FRYL: variants seen among roughly 807,000 people sequenced by gnomAD.
FRYL encodes FRY like transcription coactivator.
In FRYL, 150 loss-of-function variants were observed where a neutral mutation model predicts 351.2. The observed-to-expected ratio is 0.43, with a 90% CI of 0.37 to 0.49. The LOEUF is 0.49. FRYL is among the 20% of genes least tolerant of loss of function. FRYL has a pLI of 0.00. For missense variants in FRYL, 3,036 were observed against 3,619.3 expected (o/e 0.84, Z 4.13); for synonymous variants, 1,153 against 1,257.1 (o/e 0.92, Z 1.75).
chr4:48,557,401 C>T, intron 34 of FRYL, 52 bp downstream of exon 34: 1 of 1,600,130 alleles, frequency 6.2e-7, no homozygotes, highest in Non-Finnish European at 8.6e-7. Flanking sequence ...CTAACCACAT[C>T]TACTCACTCA....
chr4:48,742,071 C>T (rs574953115), intron 1 of FRYL, among the ~76,000 whole-genome samples: 3 of 152,208 alleles, frequency 2.0e-5, no homozygotes, highest in Non-Finnish European at 2.9e-5. Flanking sequence ...AATGTACCCC[C>T]CTGGAGGGGT....
At position 48,602,086 on chromosome 4, in the gene FRYL, G is replaced by T; in HGVS notation, c.969C>A (p.Val323=). ...TATTTAAAAAAAATTGTTTCTGACTGACACATAAAAGGCAGGTAATTAGTG... is the reference window on the plus strand; with the variant it reads ...TATTTAAAAAAAATTGTTTCTGACTTACACATAAAAGGCAGGTAATTAGTG... ...LYPLITCLLC[V]SQKQFFLNNW... is the part of the protein sequence containing the mutation. The change falls in exon 13 of 64, where the codon GTC becomes GTA. Residue 323 remains valine, a synonymous_variant. Transcript: ENST00000358350. The T allele has an allele frequency of 6.2e-7, 1 of 1,601,058 alleles. No individual in the cohort carries two copies. Among genetic ancestry groups the T allele is most frequent in the South Asian group, 1.1e-5 (1 of 90,708 alleles).
intron 3 of FRYL, among the ~76,000 whole-genome samples, chr4:48,644,957 C>T (rs1458361720): frequency 6.6e-6 from 1 of 150,848 alleles, no homozygotes; most frequent in African/African-American, 2.4e-5. Context: ...ATTCAAAGAG[C>T]TCTTACAAAA....
rs1295755709 is a variant in FRYL, at chr4:48,515,096, A to G, written c.7869T>C (p.Val2623=). ...CATCTAGCTCTTTCAGAGCTAAGGTAACATCCTCTTCACAGACTGACTCGG... is the reference window on the plus strand; with the variant it reads ...CATCTAGCTCTTTCAGAGCTAAGGTGACATCCTCTTCACAGACTGACTCGG... ...SYPESVCEED[V]TLALKELDER... is the part of the protein sequence containing the mutation. The change falls in exon 56 of 64, where the codon GTT becomes GTC. Residue 2623 remains valine (V), a synonymous_variant. Coordinates refer to ENST00000358350, the MANE Select transcript of FRYL (RefSeq NM_015030.2). 1 of 1,613,736 alleles carries G rather than the reference A, an allele frequency of 6.2e-7. No homozygotes were observed. Among genetic ancestry groups the G allele is most frequent in the Non-Finnish European group, 8.5e-7 (1 of 1,179,778 alleles).
intron 8 of FRYL, 56 bp from the exon 9 acceptor site, chr4:48,609,123 T>G: frequency 3.6e-6 from 4 of 1,105,534 alleles, no homozygotes; most frequent in Non-Finnish European, 5.5e-6. Context: ...ACAAACTCTC[T>G]TTCCTAATAC....
rs745956515 is a variant in FRYL at position 48,562,948 on chromosome 4, G to T, written c.3637C>A (p.Leu1213Met). 1 of 1,609,302 alleles carries T rather than the reference G, an allele frequency of 6.2e-7. No individual in the cohort carries two copies. Among genetic ancestry groups the T allele is most frequent in the African/African-American group, 1.3e-5 (1 of 74,868 alleles). ...CDTVMLLNLI[L>M]FKAADSSRSI... ...CTAGAAGAATCAGCTGCTTTAAACAGTATCAGATTTAGAAGCATCACTGTG... is the reference window on the plus strand; with the variant it reads ...CTAGAAGAATCAGCTGCTTTAAACATTATCAGATTTAGAAGCATCACTGTG... Residue 1213 changes from leucine (L) to methionine (M), a missense_variant, in exon 32 of 64, where the codon CTG (leucine) becomes ATG (methionine). Coordinates refer to ENST00000358350, the MANE Select transcript of FRYL (RefSeq NM_015030.2).
intron 1 of FRYL, among the ~76,000 whole-genome samples, chr4:48,738,249 T>C (rs182972780): frequency 6.6e-6 from 1 of 152,326 alleles, no homozygotes; most frequent in Admixed American, 6.5e-5. Flanking sequence ...TAAACAATTA[T>C]AACAAGGTTG....
At chr4:48,576,611 C>T (rs1243183778) in intron 23 of FRYL, among the ~76,000 whole-genome samples, 1 of 152,072 alleles carries the variant, frequency 6.6e-6, no homozygotes, top group African/African-American at 2.4e-5. Context: ...TGGCCTAATG[C>T]TAATTAGAGA....
intron 4 of FRYL, among the ~76,000 whole-genome samples, chr4:48,631,096 G>A (rs1293597883): frequency 5.3e-5 from 8 of 152,172 alleles, no homozygotes; most frequent in Admixed American, 5.2e-4. Flanking sequence ...CCCAGACTTG[G>A]ACATAAATAA....
intron 11 of FRYL, 41 bp from the exon 12 acceptor site, chr4:48,603,429 G>A (rs759589777): frequency 2.4e-6 from 3 of 1,241,914 alleles, no homozygotes; most frequent in South Asian, 1.2e-5. Flanking sequence ...TGATACAGAT[G>A]TTAGATTAAA....
At chr4:48,640,618 C>T (rs1367819454) in intron 3 of FRYL, among the ~76,000 whole-genome samples, 5 of 152,138 alleles carry the variant, frequency 3.3e-5, no homozygotes, top group African/African-American at 1.2e-4. Context: ...ATGTGCAACC[C>T]AAAGAGTTAA....
intron 28 of FRYL, among the ~76,000 whole-genome samples, chr4:48,566,707 G>T (rs1387402420): frequency 6.6e-6 from 1 of 152,092 alleles, no homozygotes; most frequent in Non-Finnish European, 1.5e-5. Flanking sequence ...TATGCCAAAG[G>T]CTAGTCACAT....
At chr4:48,611,816 C>T (rs1748266291) in intron 7 of FRYL, among the ~76,000 whole-genome samples, 1 of 152,030 alleles carries the variant, frequency 6.6e-6, no homozygotes, top group African/African-American at 2.4e-5. Flanking sequence ...TGCTTGATTT[C>T]ACTAATCATA....
chr4:48,544,499 T>C (rs1200506835), intron 43 of FRYL, among the ~76,000 whole-genome samples: 1 of 152,218 alleles, frequency 6.6e-6, no homozygotes, highest in Non-Finnish European at 1.5e-5. Context: ...CCAATTTCTA[T>C]ATACGTCCGT....
At chr4:48,518,395 A>T (rs1222368083) in intron 55 of FRYL, among the ~76,000 whole-genome samples, 6 of 152,150 alleles carry the variant, frequency 3.9e-5, no homozygotes, top group Admixed American at 1.3e-4. Flanking sequence ...ATCTACCCTC[A>T]AAGCCTCTGC....
intron 4 of FRYL, among the ~76,000 whole-genome samples, chr4:48,626,440 C>T (rs143185633): frequency 8.6e-4 from 131 of 151,990 alleles, no homozygotes; most frequent in African/African-American, 2.8e-3. Context: ...CAAATTATAT[C>T]GGCTATTTGA....
intron 1 of FRYL, among the ~76,000 whole-genome samples, chr4:48,758,022 T>C (rs1773981798): frequency 6.6e-6 from 1 of 152,196 alleles, no homozygotes; most frequent in Non-Finnish European, 1.5e-5. Flanking sequence ...CTGGGAAAAC[T>C]GGCTAACCAT....
At chr4:48,690,966 T>G (rs1765627385) in intron 2 of FRYL, among the ~76,000 whole-genome samples, 1 of 152,170 alleles carries the variant, frequency 6.6e-6, no homozygotes, top group African/African-American at 2.4e-5. Context: ...CAATTTAATC[T>G]CCAAAGTTTG....
chr4:48,687,380 G>A (rs1396505528), intron 2 of FRYL, among the ~76,000 whole-genome samples: 1 of 151,688 alleles, frequency 6.6e-6, no homozygotes, highest in African/African-American at 2.4e-5. Context: ...AGCTTTGAAG[G>A]GCAAGACTTT....
Sources: gnomAD v4.1 joint callset for allele counts (sites outside exome capture counted in the v4.1 genomes callset) on GRCh38, gnomAD v4.1.1 for gene constraint, MANE v1.5 for transcripts, NCBI Gene and HGNC (gene_info 2026-07-23, HGNC 2026-07-21) for gene names.